The following CDH10 variants were observed in gnomAD, a reference collection of about 807,000 sequenced individuals.
The protein encoded by CDH10 is cadherin-10.
In CDH10, 30 loss-of-function variants were observed where a neutral mutation model predicts 73.1. That is an observed-to-expected ratio of 0.41 (90% CI 0.31 to 0.56). The LOEUF is 0.56. CDH10 is among the 20% of genes least tolerant of loss of function. The pLI is 0.27. For synonymous variants in CDH10, 345 were observed against 348.2 expected, an observed-to-expected ratio of 0.99 and a Z score of 0.10; for missense variants, 815 against 973.7, an observed-to-expected ratio of 0.84 and a Z score of 2.17.
intron 5 of CDH10, among the ~76,000 whole-genome samples, chr5:24,514,802 T>C (rs2111783976): frequency 6.6e-6 from 1 of 152,212 alleles, no homozygotes; most frequent in African/African-American, 2.4e-5. Flanking sequence ...TTTCAATTAA[T>C]GAGTTTTCAA....
intron 2 of CDH10, among the ~76,000 whole-genome samples, chr5:24,592,210 C>T (rs1175322034): frequency 6.6e-6 from 1 of 151,708 alleles, no homozygotes; most frequent in Non-Finnish European, 1.5e-5. Context: ...TTTAAAATCA[C>T]TGAAAATGTT....
chr5:24,545,536 C>T (rs1358089786), intron 2 of CDH10, among the ~76,000 whole-genome samples: 2 of 152,030 alleles, frequency 1.3e-5, no homozygotes, highest in East Asian at 3.9e-4. Context: ...GCCTTTCAGG[C>T]CTGGCATGTG....
chr5:24,521,910 C>T (rs920013606), intron 5 of CDH10, among the ~76,000 whole-genome samples: 3 of 151,862 alleles, frequency 2.0e-5, no homozygotes, highest in Admixed American at 6.6e-5. Flanking sequence ...CTGAGGTGGG[C>T]GGATCACAAG....
At chr5:24,550,625 T>C (rs973537841) in intron 2 of CDH10, among the ~76,000 whole-genome samples, 1 of 152,154 alleles carries the variant, frequency 6.6e-6, no homozygotes, top group African/African-American at 2.4e-5. Context: ...GGTGTGCATC[T>C]TTTTCATTCA....
chr5:24,560,564 T>A (rs1442660320), intron 2 of CDH10, among the ~76,000 whole-genome samples: 1 of 152,132 alleles, frequency 6.6e-6, no homozygotes, highest in Non-Finnish European at 1.5e-5. Flanking sequence ...AGGATTTGCA[T>A]ATTTATTACC....
chr5:24,587,402 A>C (rs1400581931), intron 2 of CDH10, among the ~76,000 whole-genome samples: 1 of 152,210 alleles, frequency 6.6e-6, no homozygotes, highest in Non-Finnish European at 1.5e-5. Flanking sequence ...TTAATTGCAC[A>C]TATAATTATG....
At position 24,635,615 on chromosome 5, in the gene CDH10, T is replaced by C. The variant is rs186230069; in HGVS notation, c.-124+8979A>G. Among the ~76,000 whole-genome samples, 339 of 151,976 alleles carry C rather than the reference T, an allele frequency of 2.2e-3. 2 individuals are homozygous for C. The highest frequency in any genetic ancestry group is 7.7e-3 in the African/African-American group (321 of 41,526). On this transcript the variant is annotated intron_variant, in intron 1 of 11. Transcript: ENST00000264463. ...CTCCTCTCGAGTCTTTCCTATCGTT[T>C]ACAAAATTCGTATCCATCAATTCCC...
intron 1 of CDH10, among the ~76,000 whole-genome samples, chr5:24,633,051 G>A (rs1443004814): frequency 6.6e-6 from 1 of 151,714 alleles, no homozygotes; most frequent in Non-Finnish European, 1.5e-5. Flanking sequence ...ATATTCCTAT[G>A]AGCTATATAC....
intron 2 of CDH10, among the ~76,000 whole-genome samples, chr5:24,576,455 G>A (rs183938045): frequency 6.6e-6 from 1 of 152,136 alleles, no homozygotes. Flanking sequence ...TTCTTGAAAT[G>A]TCTTATTCGA....
intron 5 of CDH10, among the ~76,000 whole-genome samples, chr5:24,520,810 A>G (rs749183919): frequency 3.3e-5 from 5 of 151,976 alleles, no homozygotes; most frequent in Non-Finnish European, 5.9e-5. Context: ...TGCTGCAGCC[A>G]CCACCTCCCA....
intron 2 of CDH10, among the ~76,000 whole-genome samples, chr5:24,566,410 AG>A (rs1745166834): frequency 6.6e-6 from 1 of 152,204 alleles, no homozygotes; most frequent in African/African-American, 2.4e-5. Flanking sequence ...CAAAAGATAT[AG>A]AATTATTTTC....
rs748465930 is a variant in CDH10 at position 24,491,790 on chromosome 5, G to C, written c.1662C>G (p.Phe554Leu). 7.5e-6 allele frequency: 12 copies of C among 1,602,574 alleles called. No individual in the cohort carries two copies. The highest frequency in any genetic ancestry group is 1.0e-5 in the Non-Finnish European group (12 of 1,169,962). The change falls in exon 11 of 12, where the codon TTC becomes TTG. Residue 554 changes from phenylalanine (F) to leucine (L), a missense_variant. Phe to Leu is a conservative substitution (Grantham distance 22). Coordinates refer to ENST00000264463, the MANE Select transcript of CDH10 (RefSeq NM_006727.5). The part of the protein sequence containing the change: ...TARILTRKNG[F>L]NRHEISTYLL... Reference sequence around the variant, plus strand: ...GATAGGTACTGATTTCATGTCTATTGAATCCATTTTTTCTGGTTAAGATTC... The same window carrying C: ...GATAGGTACTGATTTCATGTCTATTCAATCCATTTTTTCTGGTTAAGATTC...
chr5:24,631,858 CTTCTT>C (rs1196222669), intron 1 of CDH10, among the ~76,000 whole-genome samples: 1 of 152,000 alleles, frequency 6.6e-6, no homozygotes, highest in Admixed American at 6.6e-5. Flanking sequence ...ATTTGAACCT[CTTCTT>C]TAGTGTGGAG....
intron 1 of CDH10, among the ~76,000 whole-genome samples, chr5:24,638,016 A>G (rs1164379844): frequency 6.6e-6 from 1 of 151,740 alleles, no homozygotes; most frequent in Non-Finnish European, 1.5e-5. Flanking sequence ...TATGGTTGCC[A>G]TTCATCTATT....
Position 24,487,918 on chromosome 5 carries a change from A to G in CDH10, c.2112T>C (p.Ala704=), listed in dbSNP as rs961564242. 1.9e-6 allele frequency: 3 copies of G among 1,613,714 alleles called. No homozygotes were observed. Among genetic ancestry groups the G allele is most frequent in the Admixed American group, 1.7e-5 (1 of 59,980 alleles). The change falls in exon 12 of 12, where the codon GCT becomes GCC. Residue 704 remains alanine (A), a synonymous_variant. Transcript: ENST00000264463. ...TLFIPRRTPT[A]PDNTDVRDFI... ...AATCCCGGACGTCCGTGTTATCTGGAGCTGTAGGAGTCCTCCGAGGAATAA... is the reference window on the plus strand; with the variant it reads ...AATCCCGGACGTCCGTGTTATCTGGGGCTGTAGGAGTCCTCCGAGGAATAA...
chr5:24,575,974 T>C (rs961560853), intron 2 of CDH10, among the ~76,000 whole-genome samples: 1 of 152,188 alleles, frequency 6.6e-6, no homozygotes, highest in African/African-American at 2.4e-5. Context: ...ACTTACTGTT[T>C]GTTACCTATT....
At chr5:24,606,840 C>A (rs1325076026) in intron 1 of CDH10, among the ~76,000 whole-genome samples, 1 of 152,058 alleles carries the variant, frequency 6.6e-6, no homozygotes, top group Non-Finnish European at 1.5e-5. Context: ...AAAAAGCATT[C>A]ATTTAAAAAT....
chr5:24,534,060 GA>G (rs1477463883), intron 5 of CDH10, among the ~76,000 whole-genome samples: 4 of 151,882 alleles, frequency 2.6e-5, no homozygotes, highest in African/African-American at 9.7e-5. Context: ...AAATAGTACA[GA>G]AAAGAGAAAA....
Position 24,541,982 on chromosome 5 carries a change from G to C in CDH10, c.232-4308C>G, listed in dbSNP as rs574389335. On this transcript the variant is annotated intron_variant, in intron 2 of 11. Coordinates refer to ENST00000264463, the MANE Select transcript of CDH10 (RefSeq NM_006727.5). ...ATACATTATTACATTTGTTTATATTGAGTAATTTTAATATTTACAACTAAA... is the reference window on the plus strand; with the variant it reads ...ATACATTATTACATTTGTTTATATTCAGTAATTTTAATATTTACAACTAAA... Among the ~76,000 whole-genome samples the C allele has an allele frequency of 1.4e-4, 21 of 151,942 alleles. No individual in the cohort carries two copies. In the South Asian group the frequency reaches 4.4e-3, roughly 32 times the overall value.
Sources: allele counts gnomAD v4.1 joint callset (sites outside exome capture counted in the v4.1 genomes callset), GRCh38; gene constraint gnomAD v4.1.1; transcripts MANE v1.5; gene names NCBI Gene and HGNC (gene_info 2026-07-23, HGNC 2026-07-21).